Variants in DNM3 observed in about 807,000 individuals in gnomAD.
DNM3 encodes dynamin 3, also known as dynamin-3.
Under a neutral mutation model 101.6 loss-of-function variants are expected in DNM3, and 47 were observed. The ratio of observed to expected loss-of-function variants is 0.46; its 90% CI spans 0.37 to 0.59. The LOEUF (loss-of-function observed/expected upper bound fraction) is 0.59. Ranked by LOEUF, DNM3 falls within the 20% of genes least tolerant of loss-of-function variation. The pLI, the probability that DNM3 is intolerant of heterozygous loss-of-function variation, is 0.00. For synonymous variants in DNM3, 385 were observed against 387.9 expected (o/e 0.99, Z 0.09); for missense variants, 849 against 1,085.7 (o/e 0.78, Z 3.06).
chr1:172,276,769 G>A (rs2063308014), intron 15 of DNM3, among the ~76,000 whole-genome samples: 1 of 151,948 alleles, frequency 6.6e-6, no homozygotes, highest in South Asian at 2.1e-4. Context: ...ATAAGCTGAT[G>A]TCAATTACAA....
At chr1:172,124,124 A>G (rs906155724) in intron 13 of DNM3, among the ~76,000 whole-genome samples, 1 of 152,228 alleles carries the variant, frequency 6.6e-6, no homozygotes, top group Admixed American at 6.5e-5. Flanking sequence ...GCAATGATCA[A>G]ATGAAATAAT....
At chr1:172,293,814 G>GA (rs988410911) in intron 15 of DNM3, among the ~76,000 whole-genome samples, 10 of 151,078 alleles carry the variant, frequency 6.6e-5, no homozygotes, top group Non-Finnish European at 1.0e-4. Flanking sequence ...CCTTTAAGAG[G>GA]AAAAAAAAAT....
At chr1:172,108,237 A>C (rs1462626275) in intron 13 of DNM3, among the ~76,000 whole-genome samples, 1 of 152,096 alleles carries the variant, frequency 6.6e-6, no homozygotes, top group Admixed American at 6.5e-5. Flanking sequence ...GTAGCTCTAC[A>C]TGTCAGTTCA....
At chr1:172,306,844 A>T (rs1026520631) in intron 15 of DNM3, among the ~76,000 whole-genome samples, 5 of 152,228 alleles carry the variant, frequency 3.3e-5, no homozygotes, top group African/African-American at 1.2e-4. Flanking sequence ...CTGAAACTGG[A>T]TCCCTTCCTT....
chr1:171,933,249 T>C (rs12089487), intron 2 of DNM3, among the ~76,000 whole-genome samples: 1,739 of 152,288 alleles, frequency 0.011, 34 homozygotes, highest in African/African-American at 0.039. Flanking sequence ...GACGGTGGGC[T>C]AATAAAATGG....
intron 17 of DNM3, among the ~76,000 whole-genome samples, chr1:172,331,700 C>T (rs1204994012): frequency 6.6e-6 from 1 of 152,054 alleles, no homozygotes; most frequent in Admixed American, 6.6e-5. Context: ...AAGCCAGTGA[C>T]TTAATCTGAC....
At chr1:171,968,212 C>A (rs2043728797) in intron 2 of DNM3, among the ~76,000 whole-genome samples, 2 of 152,178 alleles carry the variant, frequency 1.3e-5, no homozygotes, top group Admixed American at 1.3e-4. Flanking sequence ...GGCTTCTAAT[C>A]AGTATGATTC....
intron 14 of DNM3, among the ~76,000 whole-genome samples, chr1:172,196,699 G>A (rs971466545): frequency 6.6e-6 from 1 of 151,974 alleles, no homozygotes; most frequent in Non-Finnish European, 1.5e-5. Flanking sequence ...CCAGATGTAT[G>A]TCTTCTGTTG....
At chr1:171,907,220 A>G in intron 1 of DNM3, among the ~76,000 whole-genome samples, 1 of 152,210 alleles carries the variant, frequency 6.6e-6, no homozygotes, top group Non-Finnish European at 1.5e-5. Flanking sequence ...GGCCGGGCGC[A>G]GTGGCTCATG....
intron 16 of DNM3, among the ~76,000 whole-genome samples, chr1:172,317,310 A>C (rs1443708556): frequency 2.6e-5 from 4 of 151,918 alleles, no homozygotes. Flanking sequence ...TTGACACCCT[A>C]ACATCACAAT....
chr1:172,297,198 C>G (rs919256622), intron 15 of DNM3, among the ~76,000 whole-genome samples: 1 of 149,962 alleles, frequency 6.7e-6, no homozygotes, highest in Admixed American at 6.6e-5. Context: ...TTGTTAAATA[C>G]TAACACTTGG....
At position 172,403,485 on chromosome 1, in the gene DNM3, T is replaced by C. The variant is rs188120464; in HGVS notation, c.2523-4287T>C. On this transcript the variant is annotated intron_variant, in intron 20 of 20. Transcript: ENST00000627582. ...AGATGAAATTTTAGTTCTTCTGTTC[T>C]TAAAAGACAATAAAATAAGGCAAGA... is the stretch of plus-strand genomic sequence containing the variant. Among the ~76,000 whole-genome samples the C allele has an allele frequency of 2.1e-3, 317 of 152,240 alleles. 2 individuals are homozygous for C. Among genetic ancestry groups the C allele is most frequent in the South Asian group, 0.016 (76 of 4,828 alleles).
At chr1:172,071,086 C>CATGTATATATATAT (rs1553362024) in intron 11 of DNM3, among the ~76,000 whole-genome samples, 1 of 65,086 alleles carries the variant, frequency 1.5e-5, no homozygotes, top group Non-Finnish European at 2.7e-5. Flanking sequence ...CAAGACCCTG[C>CATGTATATATATAT]ATATATATAT....
intron 15 of DNM3, among the ~76,000 whole-genome samples, chr1:172,256,820 G>T (rs533661573): frequency 1.3e-5 from 2 of 149,792 alleles, no homozygotes; most frequent in Middle Eastern, 3.5e-3. Context: ...TAGATTTCTC[G>T]CCAGGTAGTG....
intron 2 of DNM3, among the ~76,000 whole-genome samples, chr1:171,979,355 A>G (rs989429104): frequency 2.0e-5 from 3 of 152,234 alleles, no homozygotes; most frequent in African/African-American, 2.4e-5. Flanking sequence ...CCCTAAAGAA[A>G]GGAAATGAGT....
chr1:172,383,178 C>T (rs1258729004), intron 18 of DNM3, among the ~76,000 whole-genome samples: 2 of 152,150 alleles, frequency 1.3e-5, no homozygotes, highest in Non-Finnish European at 2.9e-5. Context: ...CCTGCCCCCA[C>T]CTCCCATCAT....
chr1:172,355,574 T>G, intron 17 of DNM3, among the ~76,000 whole-genome samples: 1 of 152,096 alleles, frequency 6.6e-6, no homozygotes, highest in East Asian at 1.9e-4. Context: ...TTTGCTAATT[T>G]CCATGGTGTG....
intron 4 of DNM3, among the ~76,000 whole-genome samples, chr1:172,025,421 G>A (rs2048135935): frequency 6.6e-6 from 1 of 152,230 alleles, no homozygotes; most frequent in Admixed American, 6.5e-5. Flanking sequence ...GAAGAGAGCA[G>A]TGGATCTCTT....
At chr1:171,976,027 A>G (rs1048126843) in intron 2 of DNM3, among the ~76,000 whole-genome samples, 1 of 152,192 alleles carries the variant, frequency 6.6e-6, no homozygotes, top group Non-Finnish European at 1.5e-5. Context: ...ATTGGCATAA[A>G]GAGACAAATA....
Sources: gnomAD v4.1 joint callset for allele counts (sites outside exome capture counted in the v4.1 genomes callset) on GRCh38, gnomAD v4.1.1 for gene constraint, MANE v1.5 for transcripts, NCBI Gene and HGNC (gene_info 2026-07-23, HGNC 2026-07-21) for gene names.